Variants in DLGAP2 observed in about 807,000 individuals in gnomAD.
The protein encoded by DLGAP2 is disks large-associated protein 2.
Under a neutral mutation model 100.3 loss-of-function variants are expected in DLGAP2, and 26 were observed. That is an observed-to-expected ratio of 0.26 (90% confidence interval 0.19 to 0.36). The LOEUF is 0.36. Among genes scored for constraint, DLGAP2 ranks in the 10% least tolerant of loss-of-function variants. The probability of loss-of-function intolerance (pLI) is 1.00; values close to 1 mark genes in which losing one functional copy is unlikely to be tolerated. For missense variants in DLGAP2, 1,858 were observed against 1,453.2 expected, an observed-to-expected ratio of 1.28 and a Z score of -4.53; for synonymous variants, 886 against 630.1, an observed-to-expected ratio of 1.41 and a Z score of -6.08.
chr8:1,195,111 A>G (rs1797723306), intron 2 of DLGAP2, among the ~76,000 whole-genome samples: 4 of 152,262 alleles, frequency 2.6e-5, no homozygotes, highest in Admixed American at 2.6e-4. Context: ...TCATGGCTGC[A>G]GCAGGTGGAG....
intron 3 of DLGAP2, among the ~76,000 whole-genome samples, chr8:1,342,996 G>T (rs1209167234): frequency 6.6e-6 from 1 of 152,204 alleles, no homozygotes; most frequent in African/African-American, 2.4e-5. Flanking sequence ...GGTGCTGGGA[G>T]CACAGAGATT....
chr8:1,553,396 G>A lies in DLGAP2; in HGVS notation c.1230+3713G>A, dbSNP rs961274161. 1.2e-4 allele frequency among the ~76,000 whole-genome samples: 18 copies of A among 152,154 alleles called. No individual in the cohort carries two copies. In the East Asian group the frequency reaches 2.3e-3, roughly 20 times the overall value. ...TCCCAGTTTTATTCGGCATGTTCAC[G>A]GGCAGCAGCCCCATTTTGTTTGGCG... On this transcript the variant is annotated intron_variant, in intron 5 of 14. Transcript: ENST00000637795.
rs193046815 is a variant in DLGAP2, at chr8:1,321,612, A to G, written c.106+62729A>G. On this transcript the variant is annotated intron_variant, in intron 3 of 14. Coordinates refer to ENST00000637795, the MANE Select transcript of DLGAP2 (RefSeq NM_001346810.2). Reference sequence around the variant, plus strand: ...AGCGGATAATTGCTTTTACATCAGGATACTTTTTTTCATTTTCACCTTTAG... The same window carrying G: ...AGCGGATAATTGCTTTTACATCAGGGTACTTTTTTTCATTTTCACCTTTAG... Among the ~76,000 whole-genome samples, 3 of 152,332 alleles carry G rather than the reference A, an allele frequency of 2.0e-5. No individual in the cohort carries two copies. In the East Asian group the frequency reaches 5.8e-4, roughly 29 times the overall value.
At chr8:862,888 C>T (rs963571627) in intron 1 of DLGAP2, among the ~76,000 whole-genome samples, 2 of 152,156 alleles carry the variant, frequency 1.3e-5, no homozygotes, top group Admixed American at 1.3e-4. Flanking sequence ...TATTAACATA[C>T]ATAATTGATC....
intron 3 of DLGAP2, among the ~76,000 whole-genome samples, chr8:1,277,240 T>G (rs1400333992): frequency 2.0e-5 from 3 of 152,224 alleles, no homozygotes; most frequent in Non-Finnish European, 1.5e-5. Context: ...AACATGTGCT[T>G]CTTCCCCATT....
intron 2 of DLGAP2, among the ~76,000 whole-genome samples, chr8:1,166,158 G>A (rs1207987067): frequency 6.6e-6 from 1 of 152,124 alleles, no homozygotes; most frequent in African/African-American, 2.4e-5. Flanking sequence ...CGGCCTCTTT[G>A]AGGTCTTGTT....
chr8:1,518,977 C>T (rs1314079426), intron 4 of DLGAP2, among the ~76,000 whole-genome samples: 1 of 152,166 alleles, frequency 6.6e-6, no homozygotes, highest in African/African-American at 2.4e-5. Flanking sequence ...CCATCCCAGG[C>T]CCTCCCGACC....
intron 3 of DLGAP2, among the ~76,000 whole-genome samples, chr8:1,383,595 C>G (rs774267737): frequency 1.6e-4 from 24 of 152,136 alleles, no homozygotes; most frequent in Non-Finnish European, 2.9e-4. Context: ...TGGGGAGGCT[C>G]AAAGGCTGCT....
In DLGAP2 at chr8:1,384,011, T is replaced by C. The variant is rs114300083; in HGVS notation, c.107-117355T>C. 4.1e-3 allele frequency among the ~76,000 whole-genome samples: 630 copies of C among 152,308 alleles called. 3 individuals are homozygous for C. The highest frequency in any genetic ancestry group is 0.015 in the African/African-American group (607 of 41,570). ...GGTGTCTGTACTTAGTGATAAAATA[T>C]GTGACCCCAACAAGAAAGGGGTTTT... On this transcript the variant is annotated intron_variant, in intron 3 of 14. Transcript: ENST00000637795.
At chr8:1,421,072 C>T (rs1797075951) in intron 3 of DLGAP2, among the ~76,000 whole-genome samples, 1 of 152,190 alleles carries the variant, frequency 6.6e-6, no homozygotes, top group African/African-American at 2.4e-5. Flanking sequence ...GAGAAAATTT[C>T]AATCTCTCCA....
At chr8:1,434,813 C>G (rs575723193) in intron 3 of DLGAP2, among the ~76,000 whole-genome samples, 1 of 152,286 alleles carries the variant, frequency 6.6e-6, no homozygotes, top group African/African-American at 2.4e-5. Context: ...GCTCCGTGAA[C>G]ATGAGTAACA....
intron 2 of DLGAP2, among the ~76,000 whole-genome samples, chr8:1,212,240 A>T (rs1434894752): frequency 6.6e-6 from 1 of 152,218 alleles, no homozygotes; most frequent in Non-Finnish European, 1.5e-5. Flanking sequence ...CATCCTTCGG[A>T]TACCTGGAAT....
At chr8:1,358,160 A>C (rs1048619830) in intron 3 of DLGAP2, among the ~76,000 whole-genome samples, 3 of 152,184 alleles carry the variant, frequency 2.0e-5, no homozygotes, top group African/African-American at 7.2e-5. Context: ...TCCTTTTCTG[A>C]AGTAGCTTTG....
chr8:1,629,055 G>A (rs1797580479), intron 7 of DLGAP2, among the ~76,000 whole-genome samples: 2 of 152,238 alleles, frequency 1.3e-5, no homozygotes, highest in Admixed American at 1.3e-4. Context: ...CCTCCTGGCT[G>A]CAGATCATGC....
At chr8:1,074,325 G>A (rs947178127) in intron 2 of DLGAP2, among the ~76,000 whole-genome samples, 1 of 151,894 alleles carries the variant, frequency 6.6e-6, no homozygotes, top group Non-Finnish European at 1.5e-5. Flanking sequence ...GTTTGCAGCA[G>A]ACTGAGGCTG....
At chr8:1,337,917 G>T (rs12548280) in intron 3 of DLGAP2, among the ~76,000 whole-genome samples, 66,417 of 152,094 alleles carry the variant, frequency 0.44, 17,661 homozygotes, top group African/African-American at 0.75. Flanking sequence ...GCCTGCAAAT[G>T]TTCCACTAAG....
chr8:1,235,828 G>A lies in DLGAP2; in HGVS notation c.74-23023G>A, dbSNP rs1439727993. ...GTTCTCTCACATGGCGCCGTGTCCA[G>A]TTCTGTCACATGGCTCCGTGTCTGG... On this transcript the variant is annotated intron_variant, in intron 2 of 14. Transcript: ENST00000637795. 2.0e-4 allele frequency among the ~76,000 whole-genome samples: 2 copies of A among 10,240 alleles called. 1 individual carries two copies. Among genetic ancestry groups the A allele is most frequent in the African/African-American group, 1.4e-3 (2 of 1,406 alleles). The allele number at this position is 10,240 out of a possible 152,430, so 6.7% of individuals were successfully genotyped here. A position where few individuals can be genotyped will look rare whatever the true frequency, so the allele number is the denominator to read the frequency against.
intron 2 of DLGAP2, chr8:1,137,571 C>G (rs528233530): frequency 3.0e-4 from 45 of 152,236 alleles, no homozygotes; most frequent in African/African-American, 4.6e-4. Flanking sequence ...TTATATTTGA[C>G]TCAGAAAAAA....
chr8:1,478,593 G>C (rs892252638), intron 3 of DLGAP2, among the ~76,000 whole-genome samples: 5 of 152,110 alleles, frequency 3.3e-5, no homozygotes. Context: ...TCCGGGACGC[G>C]GCACCTGGAT....
Sources: allele counts gnomAD v4.1 joint callset (sites outside exome capture counted in the v4.1 genomes callset), GRCh38; gene constraint gnomAD v4.1.1; transcripts MANE v1.5; gene names NCBI Gene and HGNC (gene_info 2026-07-23, HGNC 2026-07-21).